The following LTBP1 variants were observed in gnomAD, a reference collection of about 807,000 sequenced individuals.
LTBP1 encodes latent transforming growth factor beta binding protein 1.
In LTBP1, 129 loss-of-function variants were observed where a neutral mutation model predicts 207.6. The observed-to-expected ratio is 0.62, with a 90% CI of 0.54 to 0.72. LTBP1 has a LOEUF of 0.72. Among genes scored for constraint, LTBP1 ranks in the 30% least tolerant of loss-of-function variants. The pLI is 0.00. For missense variants in LTBP1, 2,281 were observed against 2,217.2 expected, an observed-to-expected ratio of 1.03 and a Z score of -0.58; for synonymous variants, 963 against 833.7, an observed-to-expected ratio of 1.16 and a Z score of -2.67.
In LTBP1 at chr2:33,382,074, C is replaced by CTTT. The variant is rs70938398; in HGVS notation, c.4712-7074_4712-7072dup. ...TACAGCAGTTAGCGCCCTACTGCTT[C>CTTT]TTTTTTTTTTTTTTTTTTTTTTTTT... On this transcript the variant is annotated intron_variant, in intron 31 of 33. Transcript: ENST00000404816. 3.2e-3 allele frequency among the ~76,000 whole-genome samples: 152 copies of CTTT among 46,780 alleles called. 55 individuals carry two copies. Among genetic ancestry groups the CTTT allele is most frequent in the Non-Finnish European group, 3.7e-3 (92 of 24,956 alleles). 30.7% of individuals were successfully genotyped at this position (46,780 alleles called of 152,430 possible). A position where few individuals can be genotyped will look rare whatever the true frequency, so the allele number is the denominator to read the frequency against.
chr2:33,041,785 CTG>C (rs2076198871), intron 3 of LTBP1, among the ~76,000 whole-genome samples: 1 of 152,190 alleles, frequency 6.6e-6, no homozygotes, highest in South Asian at 2.1e-4. Flanking sequence ...GTCTCTCCCT[CTG>C]TCTCTCTCTT....
chr2:33,186,032 C>T lies in LTBP1; in HGVS notation c.1202-824C>T, dbSNP rs1573044619. Among the ~76,000 whole-genome samples, 7 of 152,152 alleles carry T rather than the reference C, an allele frequency of 4.6e-5. No individual in the cohort carries two copies. In the East Asian group the frequency reaches 1.4e-3, roughly 29 times the overall value. Reference sequence around the variant, plus strand: ...TATAACTCCTCTTAAAATTCTTTGCCCAGTCTGTCCTGTTACCTTTCAGTA... The same window carrying T: ...TATAACTCCTCTTAAAATTCTTTGCTCAGTCTGTCCTGTTACCTTTCAGTA... On this transcript the variant is annotated intron_variant, in intron 5 of 33. Coordinates refer to ENST00000404816, the MANE Select transcript of LTBP1 (RefSeq NM_206943.4).
In LTBP1 at chr2:33,000,565, G is replaced by T. The variant is rs1685945640; in HGVS notation, c.566-20344G>T. 1.5e-5 allele frequency among the ~76,000 whole-genome samples: 2 copies of T among 135,250 alleles called. 1 individual carries two copies. The highest frequency in any genetic ancestry group is 1.5e-4 in the Admixed American group (2 of 13,246). 88.7% of individuals were successfully genotyped at this position (135,250 alleles called of 152,430 possible). A position where few individuals can be genotyped will look rare whatever the true frequency, so the allele number is the denominator to read the frequency against. On this transcript the variant is annotated intron_variant, in intron 2 of 33. Transcript: ENST00000404816. ...GTTTCCTGCCCAGCACACTGCCACT[G>T]GGCCTCCAGCCTCTCCCACTGGACT...
intron 18 of LTBP1, among the ~76,000 whole-genome samples, chr2:33,279,547 A>G (rs1452535218): frequency 2.0e-5 from 3 of 151,738 alleles, no homozygotes; most frequent in African/African-American, 7.3e-5. Flanking sequence ...AATTCCTGTC[A>G]TATGAAAGGT....
intron 3 of LTBP1, among the ~76,000 whole-genome samples, chr2:33,058,677 G>A (rs943257116): frequency 5.9e-5 from 9 of 152,174 alleles, no homozygotes; most frequent in East Asian, 3.8e-4. Context: ...AAATACTTTA[G>A]TGAATTTCAT....
chr2:33,195,729 T>C (rs2088472481), intron 7 of LTBP1, among the ~76,000 whole-genome samples: 1 of 152,230 alleles, frequency 6.6e-6, no homozygotes, highest in African/African-American at 2.4e-5. Flanking sequence ...TTAAGAGGAC[T>C]GACTCATTTT....
At chr2:33,171,155 G>T (rs1358480613) in intron 5 of LTBP1, among the ~76,000 whole-genome samples, 2 of 130,898 alleles carry the variant, frequency 1.5e-5, no homozygotes. Flanking sequence ...AAAGCTGGAC[G>T]GAGAATGACT....
intron 2 of LTBP1, among the ~76,000 whole-genome samples, chr2:32,963,188 T>C (rs1209677555): frequency 6.6e-6 from 1 of 152,188 alleles, no homozygotes; most frequent in African/African-American, 2.4e-5. Context: ...GATGTAGCTG[T>C]GTATGTTGTT....
rs370668518 is a variant in LTBP1, at chr2:32,980,088, A to C, written c.565+31143A>C. On this transcript the variant is annotated intron_variant, in intron 2 of 33. Transcript: ENST00000404816. ...TAGATGAAGTGTGTTTCTTATAGGC[A>C]ACATACTGTTAGTTTTTTTAAATGC... is the stretch of plus-strand genomic sequence containing the variant. Among the ~76,000 whole-genome samples the C allele has an allele frequency of 4.7e-4, 71 of 152,150 alleles. No individual in the cohort carries two copies. The East Asian group carries it at 0.013, about 27-fold the overall frequency.
At chr2:33,014,394 A>G (rs187768094) in intron 2 of LTBP1, among the ~76,000 whole-genome samples, 4 of 152,258 alleles carry the variant, frequency 2.6e-5, no homozygotes, top group Admixed American at 6.5e-5. Flanking sequence ...CTCATGCTAT[A>G]TTTCTTGTGA....
rs1408498092 is a variant in LTBP1, at chr2:33,340,294, G to T, written c.3731-2544G>T. ...AAAAAAAAAAAAGTGCTCCGTAGAA[G>T]AATCTTGGCTGGAGAGGAGGATGGG... On this transcript the variant is annotated intron_variant, in intron 24 of 33. Coordinates refer to ENST00000404816, the MANE Select transcript of LTBP1 (RefSeq NM_206943.4). Among the ~76,000 whole-genome samples, 4 of 146,264 alleles carry T rather than the reference G, an allele frequency of 2.7e-5. No homozygotes were observed. In the South Asian group the frequency reaches 8.8e-4, roughly 32 times the overall value.
rs934117267 is a variant in LTBP1 at position 33,023,753 on chromosome 2, A to T, written c.863+2547A>T. The stretch of plus-strand genomic sequence containing the variant: ...TTTGAAATGACAAATGAGCTATACA[A>T]AGGAAACTATACAAAGCTATAGAAT... On this transcript the variant is annotated intron_variant, in intron 3 of 33. Transcript: ENST00000404816. 2.0e-5 allele frequency among the ~76,000 whole-genome samples: 3 copies of T among 152,226 alleles called. No individual in the cohort carries two copies. In the East Asian group the frequency reaches 5.8e-4, roughly 29 times the overall value.
At chr2:33,090,769 A>G (rs768658835) in intron 3 of LTBP1, among the ~76,000 whole-genome samples, 2 of 152,198 alleles carry the variant, frequency 1.3e-5, no homozygotes, top group South Asian at 2.1e-4. Flanking sequence ...CCTTAACTCT[A>G]AAGTCCAACT....
intron 2 of LTBP1, among the ~76,000 whole-genome samples, chr2:32,994,742 C>T (rs1465367119): frequency 1.3e-5 from 2 of 152,212 alleles, no homozygotes; most frequent in African/African-American, 2.4e-5. Context: ...GCTGGGATTA[C>T]AGGCGTGAGC....
intron 2 of LTBP1, among the ~76,000 whole-genome samples, chr2:32,978,378 C>G (rs1682163752): frequency 6.6e-6 from 1 of 151,990 alleles, no homozygotes; most frequent in Non-Finnish European, 1.5e-5. Flanking sequence ...ATGTTTTTTT[C>G]TATACCCAGT....
chr2:32,975,891 CTA>C (rs1681702355), intron 2 of LTBP1, among the ~76,000 whole-genome samples: 1 of 152,040 alleles, frequency 6.6e-6, no homozygotes. Flanking sequence ...TTTCAGAATT[CTA>C]TGTCTGTCAT....
At position 33,084,835 on chromosome 2, in the gene LTBP1, TC is replaced by T. The variant is rs2078657604; in HGVS notation, c.864-25745del. 3.9e-5 allele frequency among the ~76,000 whole-genome samples: 6 copies of T among 152,224 alleles called. No individual in the cohort carries two copies. The South Asian group carries it at 1.2e-3, about 32-fold the overall frequency. ...AGCTGCGGGGTAGAGTCCACCATGA[TC>T]CAGTTTGTTTCACCAGGTTTCTGTG... On this transcript the variant is annotated intron_variant, in intron 3 of 33. Coordinates refer to ENST00000404816, the MANE Select transcript of LTBP1 (RefSeq NM_206943.4).
chr2:33,192,602 A>C (rs374123478), intron 7 of LTBP1, among the ~76,000 whole-genome samples: 34 of 152,276 alleles, frequency 2.2e-4, no homozygotes, highest in African/African-American at 7.9e-4. Context: ...TAATATATTC[A>C]CCTTAATTAA....
At chr2:33,144,844 C>A (rs2082890337) in intron 5 of LTBP1, among the ~76,000 whole-genome samples, 1 of 151,974 alleles carries the variant, frequency 6.6e-6, no homozygotes, top group South Asian at 2.1e-4. Context: ...TATGTATTTC[C>A]AGGTGGAGAA....
Sources: gnomAD v4.1 joint callset for allele counts (sites outside exome capture counted in the v4.1 genomes callset) on GRCh38, gnomAD v4.1.1 for gene constraint, MANE v1.5 for transcripts, NCBI Gene and HGNC (gene_info 2026-07-23, HGNC 2026-07-21) for gene names.